The following MANBA variants were observed in gnomAD, a reference collection of about 807,000 sequenced individuals.
The protein encoded by MANBA is mannosidase beta.
A neutral mutation model predicts 111.1 loss-of-function variants in MANBA; 83 were observed. The ratio of observed to expected loss-of-function variants is 0.75; its 90% CI spans 0.63 to 0.90. The LOEUF (loss-of-function observed/expected upper bound fraction) is 0.90, where lower values mean the gene tolerates loss of function less well. Ranked by LOEUF, MANBA falls within the 40% of genes least tolerant of loss-of-function variation. The probability of loss-of-function intolerance (pLI) is 0.00; values close to 1 mark genes in which losing one functional copy is unlikely to be tolerated. For synonymous variants in MANBA, 370 were observed against 378.7 expected (o/e 0.98, Z 0.27); for missense variants, 1,036 against 1,069.0 (o/e 0.97, Z 0.43).
intron 1 of MANBA, chr4:102,752,282 T>C (rs1255193111): frequency 3.1e-6 from 4 of 1,282,264 alleles, no homozygotes; most frequent in East Asian, 2.3e-5. Flanking sequence ...AAGTGCTTAA[T>C]TGTATTTCCC....
intron 1 of MANBA, chr4:102,728,262 C>T (rs1578943912): frequency 8.8e-5 from 47 of 535,974 alleles, no homozygotes; most frequent in South Asian, 6.1e-4. Context: ...GCCCAGGCAC[C>T]CTGTTCCTTC....
chr4:102,657,633 G>A (rs1423958024), intron 12 of MANBA, 49 bp downstream of exon 12: 2 of 1,411,262 alleles, frequency 1.4e-6, no homozygotes, highest in Admixed American at 1.7e-5. Flanking sequence ...ATAAACACAT[G>A]CCCACAGTCT....
chr4:102,731,779 G>A (rs1401695026), intron 1 of MANBA, among the ~76,000 whole-genome samples: 1 of 151,852 alleles, frequency 6.6e-6, no homozygotes, highest in Non-Finnish European at 1.5e-5. Context: ...GAACGTGTTT[G>A]CTAACCCCTG....
chr4:102,716,006 T>G (rs919081089), intron 4 of MANBA, among the ~76,000 whole-genome samples: 2 of 151,966 alleles, frequency 1.3e-5, no homozygotes, highest in Non-Finnish European at 2.9e-5. Flanking sequence ...TGCTTACATG[T>G]AATAATTAAA....
rs569858154 is a variant in MANBA, at chr4:102,708,186, A to G, written c.673+6252T>C. 3.9e-4 allele frequency among the ~76,000 whole-genome samples: 59 copies of G among 152,270 alleles called. 1 individual carries two copies. The South Asian group carries it at 8.7e-3, about 22-fold the overall frequency. On this transcript the variant is annotated intron_variant, in intron 5 of 16. Transcript: ENST00000647097. Reference sequence around the variant, plus strand: ...CTAATACACATTTAAAAAATATATTATAGCTACAAAATGCACATTCTTCTC... The same window carrying G: ...CTAATACACATTTAAAAAATATATTGTAGCTACAAAATGCACATTCTTCTC...
chr4:102,638,792 A>T (rs1389983355), intron 14 of MANBA, among the ~76,000 whole-genome samples: 1 of 152,184 alleles, frequency 6.6e-6, no homozygotes, highest in Non-Finnish European at 1.5e-5. Context: ...ATTCTCTGTA[A>T]GAGTCATCCA....
intron 1 of MANBA, among the ~76,000 whole-genome samples, chr4:102,727,042 G>A (rs543028404): frequency 1.3e-5 from 2 of 152,258 alleles, no homozygotes; most frequent in East Asian, 1.9e-4. Flanking sequence ...CTCCCAAAGT[G>A]CTAGGATTAC....
chr4:102,669,165 C>T, intron 9 of MANBA, 116 bp from the exon 10 acceptor site: 1 of 815,750 alleles, frequency 1.2e-6, no homozygotes, highest in African/African-American at 1.7e-5. Context: ...TCCAGTTAGC[C>T]TGATGAGTGT....
At chr4:102,687,022 A>G (rs1732247471) in intron 7 of MANBA, among the ~76,000 whole-genome samples, 1 of 152,112 alleles carries the variant, frequency 6.6e-6, no homozygotes. Flanking sequence ...ACACTGAAAT[A>G]ATTTCCACCC....
At chr4:102,677,987 C>T (rs1731798518) in intron 7 of MANBA, among the ~76,000 whole-genome samples, 1 of 152,040 alleles carries the variant, frequency 6.6e-6, no homozygotes, top group Non-Finnish European at 1.5e-5. Context: ...TAAACAAAAG[C>T]ATGTTGGGGT....
chr4:102,755,989 G>A, intron 1 of MANBA, among the ~76,000 whole-genome samples: 1 of 152,170 alleles, frequency 6.6e-6, no homozygotes, highest in Non-Finnish European at 1.5e-5. Context: ...TGCTGGAGAG[G>A]ATGTGGAGAA....
At chr4:102,697,706 C>T (rs1274880487) in intron 5 of MANBA, among the ~76,000 whole-genome samples, 3 of 150,190 alleles carry the variant, frequency 2.0e-5, no homozygotes, top group Admixed American at 6.6e-5. Context: ...TTTATGGCTG[C>T]ATAGTATTCC....
intron 1 of MANBA, among the ~76,000 whole-genome samples, chr4:102,733,350 T>C (rs1358294391): frequency 1.8e-5 from 2 of 111,406 alleles, no homozygotes; most frequent in East Asian, 2.5e-4. Flanking sequence ...CCTCTCTGCA[T>C]TTTTTTTTTT....
chr4:102,658,463 G>A lies in MANBA; in HGVS notation c.1486-563C>T, dbSNP rs187293180. 2.3e-3 allele frequency among the ~76,000 whole-genome samples: 350 copies of A among 152,306 alleles called. 1 individual carries two copies. The highest frequency in any genetic ancestry group is 8.2e-3 in the African/African-American group (339 of 41,564). Reference sequence around the variant, plus strand: ...GCTACTGAGTCAGATGGACCCAAACGTGACTTTAAATCTCAAATCTGAACC... The same window carrying A: ...GCTACTGAGTCAGATGGACCCAAACATGACTTTAAATCTCAAATCTGAACC... On this transcript the variant is annotated intron_variant, in intron 11 of 16. Coordinates refer to ENST00000647097, the MANE Select transcript of MANBA (RefSeq NM_005908.4).
At chr4:102,752,591 A>G in intron 1 of MANBA, 1 of 636,276 alleles carries the variant, frequency 1.6e-6, no homozygotes, top group Non-Finnish European at 3.1e-6. Flanking sequence ...AGCAGACAAT[A>G]AATTGTATTC....
chr4:102,711,873 T>C (rs576363685), intron 5 of MANBA, among the ~76,000 whole-genome samples: 1 of 151,896 alleles, frequency 6.6e-6, no homozygotes, highest in South Asian at 2.1e-4. Flanking sequence ...CTCATGGAGG[T>C]AGAGAGTGAA....
intron 11 of MANBA, chr4:102,658,877 T>C (rs1178493210): frequency 6.6e-6 from 1 of 152,236 alleles, no homozygotes; most frequent in Non-Finnish European, 1.5e-5. Flanking sequence ...ACATCTAGCA[T>C]GTAAGCACTT....
chr4:102,675,695 T>C (rs145051024), intron 7 of MANBA, among the ~76,000 whole-genome samples: 2 of 152,368 alleles, frequency 1.3e-5, no homozygotes, highest in East Asian at 3.9e-4. Flanking sequence ...TATCTTGTTC[T>C]AAAAGAAAAT....
chr4:102,681,073 G>A (rs1460661135), intron 7 of MANBA, among the ~76,000 whole-genome samples: 4 of 152,186 alleles, frequency 2.6e-5, no homozygotes, highest in African/African-American at 7.2e-5. Context: ...AGGCTGAAGC[G>A]GGAGGGTTGC....
Sources: gnomAD v4.1 joint callset for allele counts (sites outside exome capture counted in the v4.1 genomes callset) on GRCh38, gnomAD v4.1.1 for gene constraint, MANE v1.5 for transcripts, NCBI Gene and HGNC (gene_info 2026-07-23, HGNC 2026-07-21) for gene names.